TRPM7: variants seen among roughly 807,000 people sequenced by gnomAD.
TRPM7 encodes the protein transient receptor potential cation channel subfamily M member 7.
Under a neutral mutation model 229.7 loss-of-function variants are expected in TRPM7, and 134 were observed. The ratio of observed to expected loss-of-function variants is 0.58; its 90% confidence interval spans 0.51 to 0.67. The LOEUF is 0.67. Among genes scored for constraint, TRPM7 ranks in the 30% least tolerant of loss-of-function variants. TRPM7 has a pLI of 0.00. For synonymous variants in TRPM7, 699 were observed against 715.2 expected, an observed-to-expected ratio of 0.98 and a Z score of 0.36; for missense variants, 1,901 against 2,210.0, an observed-to-expected ratio of 0.86 and a Z score of 2.80.
intron 12 of TRPM7, among the ~76,000 whole-genome samples, 194 bp downstream of exon 12, chr15:50,623,972 G>C (rs1003527862): frequency 3.3e-5 from 5 of 152,092 alleles, no homozygotes; most frequent in Non-Finnish European, 5.9e-5. Flanking sequence ...TATGGTGACA[G>C]GGAATGGGTT....
chr15:50,676,539 C>A (rs1239497141), intron 1 of TRPM7, among the ~76,000 whole-genome samples: 1 of 151,676 alleles, frequency 6.6e-6, no homozygotes, highest in Non-Finnish European at 1.5e-5. Flanking sequence ...GTCAACACAG[C>A]GAGACCTCAT....
At chr15:50,598,479 G>A (rs2059689420) in intron 22 of TRPM7, among the ~76,000 whole-genome samples, 2 of 152,180 alleles carry the variant, frequency 1.3e-5, no homozygotes, top group African/African-American at 4.8e-5. Context: ...AACTCAACAT[G>A]CTGTAAGCTT....
intron 1 of TRPM7, among the ~76,000 whole-genome samples, chr15:50,675,823 G>T (rs551475922): frequency 1.1e-4 from 17 of 152,304 alleles, no homozygotes; most frequent in Admixed American, 8.5e-4. Flanking sequence ...TGCTAGTAGA[G>T]CAGGGAATCT....
At chr15:50,633,050 T>C (rs2140670636) in intron 8 of TRPM7, 58 bp from the exon 9 acceptor site, 2 of 1,494,558 alleles carry the variant, frequency 1.3e-6, no homozygotes, top group African/African-American at 1.4e-5. Context: ...GTAGGATCAA[T>C]ATGAAGTACA....
intron 7 of TRPM7, among the ~76,000 whole-genome samples, chr15:50,636,073 A>T (rs1272464139): frequency 1.3e-5 from 2 of 151,330 alleles, no homozygotes; most frequent in African/African-American, 4.9e-5. Flanking sequence ...CCTCTAGAAG[A>T]GCAACAACAG....
At chr15:50,565,533 G>A (rs184345604) in intron 38 of TRPM7, among the ~76,000 whole-genome samples, 3 of 152,046 alleles carry the variant, frequency 2.0e-5, no homozygotes, top group East Asian at 1.9e-4. Context: ...TAATCAATTC[G>A]CCAAGAAGAC....
Position 50,637,515 on chromosome 15 carries a change from A to G in TRPM7, c.739T>C (p.Leu247=), listed in dbSNP as rs1196305223. The part of the protein sequence containing the change: ...VLNNLHSHFI[L]VDDGTVGKYG... ...TTTCCAACAGTGCCATCATCCACCA[A>G]TATGAAATGGGAATGCAGATTATTC... Residue 247 remains leucine (L), a synonymous_variant, in exon 7 of 39, where the codon TTG becomes CTG. Transcript: ENST00000646667. 2 of 1,614,030 alleles carry G rather than the reference A, an allele frequency of 1.2e-6. No homozygotes were observed. Among genetic ancestry groups the G allele is most frequent in the African/African-American group, 1.3e-5 (1 of 74,934 alleles).
intron 12 of TRPM7, among the ~76,000 whole-genome samples, chr15:50,622,703 T>C (rs2060445984): frequency 6.6e-6 from 1 of 151,902 alleles, no homozygotes; most frequent in Non-Finnish European, 1.5e-5. Flanking sequence ...CTGGCCAACA[T>C]GGCGAAACCC....
intron 4 of TRPM7, among the ~76,000 whole-genome samples, chr15:50,647,645 T>C (rs1202883653): frequency 2.0e-5 from 3 of 152,030 alleles, no homozygotes; most frequent in Non-Finnish European, 4.4e-5. Flanking sequence ...CTCTGGAGGC[T>C]GAGGCAGGAG....
intron 21 of TRPM7, among the ~76,000 whole-genome samples, chr15:50,603,269 T>A (rs1434472772): frequency 6.6e-6 from 1 of 152,154 alleles, no homozygotes; most frequent in Non-Finnish European, 1.5e-5. Context: ...GATAATCTTG[T>A]GAGCTTAGCA....
chr15:50,597,524 C>T (rs76438869), intron 22 of TRPM7, among the ~76,000 whole-genome samples: 2,130 of 152,186 alleles, frequency 0.014, 47 homozygotes, highest in African/African-American at 0.049. Context: ...GATTAGTTTG[C>T]GGAAGCAAAT....
intron 36 of TRPM7, among the ~76,000 whole-genome samples, chr15:50,573,258 T>A (rs974639988): frequency 6.6e-6 from 1 of 152,172 alleles, no homozygotes; most frequent in Non-Finnish European, 1.5e-5. Context: ...GCAGAAGGCA[T>A]CTCAATCCTG....
chr15:50,591,929 C>T lies in TRPM7; in HGVS notation c.4306G>A (p.Glu1436Lys), dbSNP rs776724454. The T allele has an allele frequency of 5.1e-5, 79 of 1,560,594 alleles. No homozygotes were observed. Among genetic ancestry groups the T allele is most frequent in the Middle Eastern group, 1.7e-4 (1 of 5,814 alleles). ...CSKATEGDNT[E>K]FGAFVGHRDS... is the part of the protein sequence containing the mutation. ...AACTTACCTACAAATGCTCCAAATT[C>T]TGTATTATCTCCTTCTGTAGCTTTA... is the stretch of plus-strand genomic sequence containing the variant. The change falls in exon 26 of 39, where the codon GAA (glutamate) becomes AAA (lysine). Residue 1436 changes from glutamate (E) to lysine (K), a missense_variant. This residue lies in a region of TRPM7 where 533 missense variants were observed against 497.1 expected (regional missense o/e 1.07). Transcript: ENST00000646667.
intron 7 of TRPM7, 102 bp downstream of exon 7, chr15:50,637,320 T>C (rs939636276): frequency 2.9e-6 from 3 of 1,045,512 alleles, no homozygotes; most frequent in East Asian, 2.4e-5. Flanking sequence ...TATCTTGCTA[T>C]GTAAGAAAGA....
chr15:50,570,719 G>C (rs1337605901), intron 36 of TRPM7, among the ~76,000 whole-genome samples: 1 of 151,244 alleles, frequency 6.6e-6, no homozygotes, highest in African/African-American at 2.4e-5. Context: ...CGGACATGGT[G>C]GGGGGCGCCT....
At chr15:50,602,874 G>C (rs1244976892) in intron 21 of TRPM7, among the ~76,000 whole-genome samples, 1 of 152,146 alleles carries the variant, frequency 6.6e-6, no homozygotes, top group Non-Finnish European at 1.5e-5. Flanking sequence ...CTAGCAGAGG[G>C]TGGTTCTAGA....
At chr15:50,663,254 G>A (rs1013216728) in intron 1 of TRPM7, among the ~76,000 whole-genome samples, 9 of 151,850 alleles carry the variant, frequency 5.9e-5, no homozygotes, top group Non-Finnish European at 8.8e-5. Flanking sequence ...TCAGCCTCCC[G>A]GGTAGCTGGC....
intron 12 of TRPM7, among the ~76,000 whole-genome samples, chr15:50,621,157 CAA>C (rs35848629): frequency 0.041 from 2,140 of 51,678 alleles, 30 homozygotes; most frequent in African/African-American, 0.13. Flanking sequence ...GACTCCGTCT[CAA>C]AAAAAAAAAA....
Position 50,614,261 on chromosome 15 carries a change from T to A in TRPM7, c.1497A>T (p.Gly499=), listed in dbSNP as rs777488586. The A allele has an allele frequency of 2.5e-5, 40 of 1,595,620 alleles. No homozygotes were observed. The highest frequency in any genetic ancestry group is 3.0e-5 in the Non-Finnish European group (35 of 1,174,418). ...LFHLVRDVKQ[G]NLPPGYKITL... The stretch of plus-strand genomic sequence containing the variant: ...TGATCTTATATCCTGGAGGAAGATT[T>A]CCCTAGAAACAAAACATTTGTTTTA... The change falls in exon 14 of 39, where the codon GGA becomes GGT. Residue 499 remains glycine (G), a splice_region_variant and synonymous_variant. Transcript: ENST00000646667.
Sources: allele counts gnomAD v4.1 joint callset (sites outside exome capture counted in the v4.1 genomes callset), GRCh38; gene constraint gnomAD v4.1.1; regional missense constraint gnomAD v4.1.1; transcripts MANE v1.5; gene names NCBI Gene and HGNC (gene_info 2026-07-23, HGNC 2026-07-21).